The following ACTN4 variants were observed in gnomAD, a reference collection of about 807,000 sequenced individuals.
ACTN4 encodes the protein actinin alpha 4.
In ACTN4, 18 loss-of-function variants were observed where a neutral mutation model predicts 114.2. The observed-to-expected ratio is 0.16, with a 90% confidence interval of 0.11 to 0.23. The LOEUF is 0.23. Ranked by LOEUF, ACTN4 falls within the 10% of genes least tolerant of loss-of-function variation. The pLI is 1.00. For missense variants in ACTN4, 722 were observed against 1,262.9 expected, an observed-to-expected ratio of 0.57 and a Z score of 6.49; for synonymous variants, 515 against 506.3, an observed-to-expected ratio of 1.02 and a Z score of -0.23.
chr19:38,716,817 C>T (rs987700085), intron 9 of ACTN4, among the ~76,000 whole-genome samples: 7 of 152,216 alleles, frequency 4.6e-5, no homozygotes, highest in Non-Finnish European at 8.8e-5. Flanking sequence ...AAGCGTGAAC[C>T]TGTCTTTAAA....
At chr19:38,689,688 CTT>C (rs1345236008) in intron 1 of ACTN4, among the ~76,000 whole-genome samples, 5 of 150,164 alleles carry the variant, frequency 3.3e-5, no homozygotes, top group African/African-American at 1.2e-4. Context: ...TTTTCTTTTT[CTT>C]TGAGATGGAG....
rs546651043 is a variant in ACTN4, at chr19:38,730,967, G to T, written c.*1535G>T. On this transcript the variant is annotated 3_prime_UTR_variant, in exon 21 of 21. Coordinates refer to ENST00000252699, the MANE Select transcript of ACTN4 (RefSeq NM_004924.6). ...CCTGTCCCTCCCACCTGGCTCACCT[G>T]TCTGTGGGTCAGGCAGATGACCCCC... is the stretch of plus-strand genomic sequence containing the variant. 6.4e-7 allele frequency: 1 copy of T among 1,550,784 alleles called. No homozygotes were observed. Among genetic ancestry groups the T allele is most frequent in the African/African-American group, 1.4e-5 (1 of 73,180 alleles).
intron 17 of ACTN4, among the ~76,000 whole-genome samples, chr19:38,726,503 A>C (rs2145101014): frequency 6.6e-6 from 1 of 152,328 alleles, no homozygotes; most frequent in East Asian, 1.9e-4. Flanking sequence ...GGGTCAGGGC[A>C]GCAGCTCCCA....
intron 1 of ACTN4, among the ~76,000 whole-genome samples, chr19:38,667,459 T>C (rs1463626570): frequency 2.0e-5 from 3 of 152,170 alleles, no homozygotes; most frequent in African/African-American, 7.2e-5. Context: ...GGTTCAACTT[T>C]CCTCGTTTTT....
At chr19:38,694,264 CT>C (rs563718301) in intron 1 of ACTN4, among the ~76,000 whole-genome samples, 264 of 143,572 alleles carry the variant, frequency 1.8e-3, no homozygotes, top group Admixed American at 2.0e-3. Flanking sequence ...CTGGGGCCTT[CT>C]TTTTTTTTTT....
Position 38,724,899 on chromosome 19 carries a change from C to T in ACTN4, c.2010+334C>T, listed in dbSNP as rs12985558. Among the ~76,000 whole-genome samples the T allele has an allele frequency of 0.057, 8,690 of 152,164 alleles. 264 individuals are homozygous for T. The highest frequency in any genetic ancestry group is 0.097 in the South Asian group (466 of 4,824). ...CGCAGCCCAAGGAGGTCGAGGCTGC[C>T]GTGAGCTACGATCATGCCACTGCAC... On this transcript the variant is annotated intron_variant, in intron 16 of 20. Transcript: ENST00000252699. The surrounding 1 kb of genome is among the most constrained non-coding windows in gnomAD (Gnocchi z 7.0).
chr19:38,718,142 G>T, intron 11 of ACTN4, 68 bp downstream of exon 11: 3 of 1,555,862 alleles, frequency 1.9e-6, no homozygotes, highest in Non-Finnish European at 1.7e-6. Context: ...TCTCAGGCAT[G>T]CATGGGTGTG....
At chr19:38,677,122 C>G (rs1967403061) in intron 1 of ACTN4, among the ~76,000 whole-genome samples, 1 of 152,164 alleles carries the variant, frequency 6.6e-6, no homozygotes, top group Non-Finnish European at 1.5e-5. Flanking sequence ...CCTCATTCTT[C>G]AGATGGCAGT....
chr19:38,691,414 ACAAAAAAAAC>A (rs1967922980), intron 1 of ACTN4, among the ~76,000 whole-genome samples: 1 of 124,100 alleles, frequency 8.1e-6, no homozygotes, highest in Non-Finnish European at 1.7e-5. Flanking sequence ...AAAAAAAAAA[ACAAAAAAAAC>A]AAAAAAAAAA....
intron 11 of ACTN4, among the ~76,000 whole-genome samples, chr19:38,719,760 C>T (rs1456443250): frequency 6.6e-6 from 1 of 152,276 alleles, no homozygotes; most frequent in Admixed American, 6.5e-5. Context: ...TTTCTGCCCA[C>T]CCATCAGCTC....
chr19:38,682,431 G>A (rs1268199104), intron 1 of ACTN4, among the ~76,000 whole-genome samples: 3 of 151,888 alleles, frequency 2.0e-5, no homozygotes, highest in Non-Finnish European at 4.4e-5. Context: ...CAGTCCTCTC[G>A]CCTTGGCCTC....
In ACTN4 at chr19:38,673,737, TTATATATTTATATATATTTTTATATA is replaced by T. The variant is rs1363632930; in HGVS notation, c.162+25846_162+25871del. On this transcript the variant is annotated intron_variant, in intron 1 of 20. Coordinates refer to ENST00000252699, the MANE Select transcript of ACTN4 (RefSeq NM_004924.6). Reference sequence around the variant, plus strand: ...TATATTTATATATACTTATATATATTTATATATTTATATATATTTTTATATATATATATTTATATATGTATAATTTT... The same window carrying T: ...TATATTTATATATACTTATATATATTTATATATTTATATATGTATAATTTT... Among the ~76,000 whole-genome samples the T allele has an allele frequency of 4.2e-4, 42 of 101,108 alleles. 3 individuals carry two copies. The highest frequency in any genetic ancestry group is 1.4e-3 in the African/African-American group (40 of 29,540). The allele number at this position is 101,108 out of a possible 152,430, so 66.3% of individuals were successfully genotyped here. A position where few individuals can be genotyped will look rare whatever the true frequency, so the allele number is the denominator to read the frequency against.
intron 1 of ACTN4, among the ~76,000 whole-genome samples, chr19:38,660,103 G>A (rs1440489694): frequency 6.6e-6 from 1 of 152,040 alleles, no homozygotes; most frequent in African/African-American, 2.4e-5. Flanking sequence ...TGTATTTTTA[G>A]TAGAGACAGG....
chr19:38,717,867 C>T lies in ACTN4; in HGVS notation c.1144-60C>T, dbSNP rs1176441132. ...CCTTCCCATCAGCATCCCTTGGAGA[C>T]ATCCCCCTGGGTGCCTCCACTTCCT... On this transcript the variant is annotated intron_variant, in intron 10 of 20. Transcript: ENST00000252699. This position sits in a 1 kb window ranked among gnomAD's most constrained non-coding sequence, Gnocchi z 4.0. 2 of 1,551,524 alleles carry T rather than the reference C, an allele frequency of 1.3e-6. No homozygotes were observed. Among genetic ancestry groups the T allele is most frequent in the Admixed American group, 1.9e-5 (1 of 51,400 alleles).
intron 1 of ACTN4, among the ~76,000 whole-genome samples, chr19:38,681,279 G>A (rs944182963): frequency 1.1e-4 from 16 of 152,058 alleles, no homozygotes; most frequent in East Asian, 1.9e-4. Context: ...GGCTCTTGTC[G>A]TCATCTGTGC....
intron 1 of ACTN4, among the ~76,000 whole-genome samples, chr19:38,681,433 T>A (rs1967573011): frequency 6.6e-6 from 1 of 152,156 alleles, no homozygotes; most frequent in Admixed American, 6.5e-5. Context: ...AGAGAGCAGG[T>A]TCTGAGCTCT....
intron 1 of ACTN4, among the ~76,000 whole-genome samples, chr19:38,673,701 T>TTATATATTTATATATATTA (rs1967271174): frequency 1.6e-5 from 1 of 60,616 alleles, no homozygotes; most frequent in Non-Finnish European, 3.5e-5. Context: ...TTATATATAT[T>TTATATATTTATATATATTA]TATATATTTA....
At position 38,731,400 on chromosome 19, in the gene ACTN4, C is replaced by T. The variant is rs951273003; in HGVS notation, c.*1968C>T. The T allele has an allele frequency of 1.6e-5, 10 of 625,098 alleles. No individual in the cohort carries two copies. The highest frequency in any genetic ancestry group is 1.1e-4 in the African/African-American group (6 of 55,244). 38.7% of individuals were successfully genotyped at this position (625,098 alleles called of 1,614,324 possible). ...CTTCAATCCTCTGGGCCTGTTTCCT[C>T]ATCCATCAAACGGACTAAGACAGCC... On this transcript the variant is annotated 3_prime_UTR_variant, in exon 21 of 21. Coordinates refer to ENST00000252699, the MANE Select transcript of ACTN4 (RefSeq NM_004924.6).
Position 38,717,394 on chromosome 19 carries a change from G to A in ACTN4, c.1143+78G>A. ...GAACTGCCTGTGGGCAGTTTGGCCA[G>A]CGTAATCTTTCCTAAGTTGTTGATG... On this transcript the variant is annotated intron_variant, in intron 10 of 20. Coordinates refer to ENST00000252699, the MANE Select transcript of ACTN4 (RefSeq NM_004924.6). This position sits in a 1 kb window ranked among gnomAD's most constrained non-coding sequence, Gnocchi z 4.0. The A allele has an allele frequency of 3.2e-6, 5 of 1,541,152 alleles. No homozygotes were observed. The highest frequency in any genetic ancestry group is 1.2e-5 in the South Asian group (1 of 85,530).
Sources: gnomAD v4.1 joint callset for allele counts (sites outside exome capture counted in the v4.1 genomes callset) on GRCh38, gnomAD v4.1.1 for gene constraint, Gnocchi (gnomAD v3.1) non-coding constraint, MANE v1.5 for transcripts, NCBI Gene and HGNC (gene_info 2026-07-23, HGNC 2026-07-21) for gene names.